PTPRD: variants seen among roughly 807,000 people sequenced by gnomAD.
The protein encoded by PTPRD is protein tyrosine phosphatase receptor type D.
A neutral mutation model predicts 214.5 loss-of-function variants in PTPRD; 34 were observed. That is an observed-to-expected ratio of 0.16 (90% CI 0.12 to 0.21). PTPRD has a LOEUF of 0.21. Among genes scored for constraint, PTPRD ranks in the 10% least tolerant of loss-of-function variants. The pLI, the probability that PTPRD is intolerant of heterozygous loss-of-function variation, is 1.00. For synonymous variants in PTPRD, 1,128 were observed against 845.7 expected (o/e 1.33, Z -5.79); for missense variants, 2,545 against 2,398.7 (o/e 1.06, Z -1.27).
intron 2 of PTPRD, among the ~76,000 whole-genome samples, chr9:10,447,573 A>G (rs1426334885): frequency 6.6e-6 from 1 of 151,998 alleles, no homozygotes; most frequent in Non-Finnish European, 1.5e-5. Context: ...CCTGTTTTAG[A>G]GCATTGAAAA....
chr9:10,456,567 G>C (rs552931198), intron 2 of PTPRD, among the ~76,000 whole-genome samples: 1 of 151,912 alleles, frequency 6.6e-6, no homozygotes, highest in East Asian at 1.9e-4. Flanking sequence ...TGGATCAGTC[G>C]TCAAATAGAT....
chr9:8,756,927 G>A (rs140148932), intron 11 of PTPRD, among the ~76,000 whole-genome samples: 1 of 152,068 alleles, frequency 6.6e-6, no homozygotes, highest in Non-Finnish European at 1.5e-5. Flanking sequence ...GATCACTTGA[G>A]GTTAGGAGTT....
At chr9:9,239,089 T>A (rs1569565344) in intron 9 of PTPRD, among the ~76,000 whole-genome samples, 2 of 151,896 alleles carry the variant, frequency 1.3e-5, no homozygotes, top group African/African-American at 2.4e-5. Context: ...CCTGTGCCCA[T>A]GAGATGTAAA....
intron 7 of PTPRD, among the ~76,000 whole-genome samples, chr9:9,675,358 A>G (rs2096909462): frequency 6.6e-6 from 1 of 151,852 alleles, no homozygotes; most frequent in Non-Finnish European, 1.5e-5. Context: ...TAATCAACTA[A>G]TATCTCATCC....
At chr9:10,538,447 A>G (rs2058378534) in intron 2 of PTPRD, among the ~76,000 whole-genome samples, 3 of 151,880 alleles carry the variant, frequency 2.0e-5, no homozygotes, top group South Asian at 4.1e-4. Context: ...AAAATCAATT[A>G]TTTTCAGGAG....
chr9:10,006,686 T>G (rs2154100001), intron 4 of PTPRD, among the ~76,000 whole-genome samples: 1 of 152,112 alleles, frequency 6.6e-6, no homozygotes, highest in South Asian at 2.1e-4. Flanking sequence ...AGCCAATATT[T>G]TTACTTGATT....
At chr9:9,240,296 G>T (rs4074306) in intron 9 of PTPRD, among the ~76,000 whole-genome samples, 31,063 of 152,012 alleles carry the variant, frequency 0.2, 3,812 homozygotes, top group Middle Eastern at 0.33. Flanking sequence ...ACTAGTCATT[G>T]GTTTAAACTA....
intron 3 of PTPRD, among the ~76,000 whole-genome samples, chr9:10,276,266 T>G (rs576023983): frequency 6.6e-6 from 1 of 152,238 alleles, no homozygotes; most frequent in Admixed American, 6.5e-5. Flanking sequence ...AAATGTCACA[T>G]GTTCAGCTCA....
rs1198929285 is a variant in PTPRD at position 8,923,817 on chromosome 9, TCGAGTGTAATGGCTTTGAAACA to T, written c.-104+94858_-104+94879del. Among the ~76,000 whole-genome samples, 3 of 152,136 alleles carry T rather than the reference TCGAGTGTAATGGCTTTGAAACA, an allele frequency of 2.0e-5. 1 individual carries two copies. The highest frequency in any genetic ancestry group is 1.5e-5 in the Non-Finnish European group (1 of 68,042). On this transcript the variant is annotated intron_variant, in intron 11 of 45. Transcript: ENST00000381196. Reference sequence around the variant, plus strand: ...ACGTGCCAGATGGAGGTAACACACCTCGAGTGTAATGGCTTTGAAACAATGCAGTGAGTCATATGTGATTTTA... The same window carrying T: ...ACGTGCCAGATGGAGGTAACACACCTATGCAGTGAGTCATATGTGATTTTA...
chr9:9,142,147 G>T (rs1483856110), intron 10 of PTPRD, among the ~76,000 whole-genome samples: 1 of 152,218 alleles, frequency 6.6e-6, no homozygotes, highest in African/African-American at 2.4e-5. Flanking sequence ...GTGGACAGGT[G>T]CTCTTTGAAT....
intron 8 of PTPRD, among the ~76,000 whole-genome samples, chr9:9,501,959 T>C (rs1407161615): frequency 1.3e-5 from 2 of 151,854 alleles, no homozygotes; most frequent in African/African-American, 4.8e-5. Flanking sequence ...TCTTTTTTTG[T>C]TTTTAAACCC....
At chr9:9,945,510 C>A (rs2092422099) in intron 4 of PTPRD, among the ~76,000 whole-genome samples, 1 of 152,040 alleles carries the variant, frequency 6.6e-6, no homozygotes, top group South Asian at 2.1e-4. Flanking sequence ...TCCCAGAAGC[C>A]AACCAAAAAC....
intron 12 of PTPRD, among the ~76,000 whole-genome samples, chr9:8,698,267 T>C (rs933857893): frequency 2.0e-5 from 3 of 152,232 alleles, no homozygotes; most frequent in African/African-American, 7.2e-5. Context: ...TTACTTACAC[T>C]GTCTCTAACT....
chr9:10,324,025 C>T (rs920950595), intron 3 of PTPRD, among the ~76,000 whole-genome samples: 1 of 151,952 alleles, frequency 6.6e-6, no homozygotes, highest in Admixed American at 6.6e-5. Context: ...GTTAGCAGAA[C>T]CTGGAAACAT....
At chr9:9,021,214 A>G (rs2099568541) in intron 10 of PTPRD, among the ~76,000 whole-genome samples, 2 of 152,208 alleles carry the variant, frequency 1.3e-5, no homozygotes, top group Non-Finnish European at 2.9e-5. Flanking sequence ...TATGTGCTGC[A>G]TAACATATCA....
At chr9:9,157,411 TAAATA>T (rs539431702) in intron 10 of PTPRD, among the ~76,000 whole-genome samples, 115 of 152,034 alleles carry the variant, frequency 7.6e-4, no homozygotes, top group Non-Finnish European at 1.1e-3. Flanking sequence ...AATACTCAAA[TAAATA>T]AAATAAAAAA....
intron 9 of PTPRD, among the ~76,000 whole-genome samples, chr9:9,311,226 T>C (rs1205476475): frequency 1.3e-5 from 2 of 152,140 alleles, no homozygotes; most frequent in African/African-American, 2.4e-5. Context: ...AAACTAAAAG[T>C]TCAGCAAGAT....
At chr9:10,311,381 C>CT (rs1342614324) in intron 3 of PTPRD, among the ~76,000 whole-genome samples, 2 of 152,012 alleles carry the variant, frequency 1.3e-5, no homozygotes, top group Admixed American at 1.3e-4. Context: ...AAAATGCAAT[C>CT]TCTTCTGAGA....
chr9:9,386,867 C>T (rs1057381000), intron 9 of PTPRD, among the ~76,000 whole-genome samples: 3 of 152,108 alleles, frequency 2.0e-5, no homozygotes, highest in Non-Finnish European at 2.9e-5. Flanking sequence ...ACTGAAGGTC[C>T]ATCTCAGGCT....
Sources: allele counts gnomAD v4.1 joint callset (sites outside exome capture counted in the v4.1 genomes callset), GRCh38; gene constraint gnomAD v4.1.1; transcripts MANE v1.5; gene names NCBI Gene and HGNC (gene_info 2026-07-23, HGNC 2026-07-21).